Variants in ANK2 observed in about 807,000 individuals in gnomAD.
ANK2 encodes ankyrin 2, also known as ankyrin-2.
ANK2 carries 83 observed loss-of-function variants against 360.5 expected under a neutral mutation model. The ratio of observed to expected loss-of-function variants is 0.23; its 90% CI spans 0.19 to 0.28. The LOEUF (loss-of-function observed/expected upper bound fraction) is 0.28. Among genes scored for constraint, ANK2 ranks in the 10% least tolerant of loss-of-function variants. ANK2 has a pLI of 1.00. For missense variants in ANK2, 4,201 were observed against 4,795.7 expected, an observed-to-expected ratio of 0.88 and a Z score of 3.66; for synonymous variants, 1,740 against 1,759.5, an observed-to-expected ratio of 0.99 and a Z score of 0.28.
intron 2 of ANK2, among the ~76,000 whole-genome samples, chr4:112,990,709 T>C (rs1420749126): frequency 1.3e-5 from 2 of 152,208 alleles, no homozygotes; most frequent in Non-Finnish European, 2.9e-5. Flanking sequence ...CTTCTACCTT[T>C]ATCACAGGAC....
rs1460659093 is a variant in ANK2, at chr4:113,336,565, T to A, written c.3592-12T>A. On this transcript the variant is annotated splice_polypyrimidine_tract_variant and intron_variant, in intron 30 of 45. Transcript: ENST00000357077. ...ACACAAATATATATGTGTGTGTTTT[T>A]ACTTTGAAAAGGCTCAACCTATGCA... is the stretch of plus-strand genomic sequence containing the variant. 6.2e-7 allele frequency: 1 copy of A among 1,611,192 alleles called. No homozygotes were observed. Among genetic ancestry groups the A allele is most frequent in the Non-Finnish European group, 8.5e-7 (1 of 1,177,682 alleles).
At chr4:113,198,804 A>C (rs2098788101) in intron 3 of ANK2, among the ~76,000 whole-genome samples, 1 of 152,180 alleles carries the variant, frequency 6.6e-6, no homozygotes, top group African/African-American at 2.4e-5. Flanking sequence ...CAATATTGTG[A>C]AAATAGAAAA....
intron 1 of ANK2, among the ~76,000 whole-genome samples, chr4:113,128,735 C>T (rs2095822842): frequency 6.6e-6 from 1 of 152,124 alleles, no homozygotes; most frequent in Non-Finnish European, 1.5e-5. Context: ...GTGATTCGTC[C>T]ACCTCGGCTT....
intron 1 of ANK2, among the ~76,000 whole-genome samples, chr4:113,139,488 C>T (rs2096562562): frequency 6.6e-6 from 1 of 152,046 alleles, no homozygotes; most frequent in Non-Finnish European, 1.5e-5. Flanking sequence ...GTGGGGAAGC[C>T]CCTGCTTTAG....
At chr4:112,745,531 CTT>C in the ANK2 span, among the ~76,000 whole-genome samples, 2 of 123,098 alleles carry the variant, frequency 1.6e-5, no homozygotes, top group Non-Finnish European at 1.6e-5. Flanking sequence ...AGTACTAGAT[CTT>C]TTTTTTTTTT....
At chr4:112,777,175 A>C in the ANK2 span, among the ~76,000 whole-genome samples, 2 of 152,192 alleles carry the variant, frequency 1.3e-5, no homozygotes, top group East Asian at 3.8e-4. Flanking sequence ...CAATATACGT[A>C]TGTAAGGCTT....
intron 2 of ANK2, among the ~76,000 whole-genome samples, chr4:113,177,799 A>G (rs2098272744): frequency 6.6e-6 from 1 of 152,252 alleles, no homozygotes; most frequent in African/African-American, 2.4e-5. Context: ...CACAAAATTT[A>G]GAGCCCACAG....
At chr4:112,777,132 T>G in the ANK2 span, among the ~76,000 whole-genome samples, 2 of 152,142 alleles carry the variant, frequency 1.3e-5, no homozygotes. Flanking sequence ...CCATACACAG[T>G]TTTGTTTGGA....
At chr4:113,034,265 CTGTT>C (rs2061088308) in intron 2 of ANK2, among the ~76,000 whole-genome samples, 1 of 151,926 alleles carries the variant, frequency 6.6e-6, no homozygotes, top group South Asian at 2.1e-4. Flanking sequence ...GAGGAATCTG[CTGTT>C]TGTTTATATT....
chr4:112,801,082 A>T, the ANK2 span, among the ~76,000 whole-genome samples: 1 of 152,204 alleles, frequency 6.6e-6, no homozygotes, highest in South Asian at 2.1e-4. Flanking sequence ...CTCTATAGTG[A>T]CATTACTGCT....
At chr4:112,737,329 T>A in the ANK2 span, among the ~76,000 whole-genome samples, 1 of 152,254 alleles carries the variant, frequency 6.6e-6, no homozygotes, top group East Asian at 1.9e-4. Context: ...TCTCTGTAAA[T>A]CTGCTGCCTT....
chr4:113,085,474 T>C (rs1331020427), intron 1 of ANK2, among the ~76,000 whole-genome samples: 1 of 151,900 alleles, frequency 6.6e-6, no homozygotes, highest in African/African-American at 2.4e-5. Flanking sequence ...CCCAGCTAGT[T>C]TTTTTTGTAT....
intron 9 of ANK2, among the ~76,000 whole-genome samples, chr4:113,246,971 A>T (rs1051181331): frequency 3.9e-5 from 6 of 152,204 alleles, no homozygotes; most frequent in African/African-American, 1.4e-4. Flanking sequence ...TAATCAGCAG[A>T]GCCTACCCAT....
At chr4:113,015,069 A>G (rs1216117896) in intron 2 of ANK2, among the ~76,000 whole-genome samples, 1 of 151,662 alleles carries the variant, frequency 6.6e-6, no homozygotes, top group Admixed American at 6.6e-5. Context: ...TGTGTTAGCC[A>G]GGATGGCCTC....
chr4:113,363,574 T>A (rs980397005), intron 40 of ANK2, 105 bp downstream of exon 40: 8 of 1,261,852 alleles, frequency 6.3e-6, no homozygotes, highest in Non-Finnish European at 9.2e-6. Flanking sequence ...ATGCCATTAA[T>A]CTGCAGTACA....
At chr4:113,086,141 A>G (rs902042936) in intron 1 of ANK2, among the ~76,000 whole-genome samples, 2 of 152,186 alleles carry the variant, frequency 1.3e-5, no homozygotes, top group African/African-American at 4.8e-5. Context: ...TAATATAAAT[A>G]TTAAAATTGC....
intron 5 of ANK2, 73 bp from the exon 6 acceptor site, chr4:113,236,914 G>A: frequency 7.1e-7 from 1 of 1,417,570 alleles, no homozygotes; most frequent in Non-Finnish European, 1.0e-6. Flanking sequence ...AAGATTAGAG[G>A]CATCATTGCT....
intron 32 of ANK2, among the ~76,000 whole-genome samples, chr4:113,340,856 A>G (rs1004130287): frequency 2.0e-5 from 3 of 151,878 alleles, no homozygotes; most frequent in African/African-American, 4.8e-5. Context: ...CTCAAAAAAA[A>G]AAAAAAGAAA....
intron 4 of ANK2, among the ~76,000 whole-genome samples, chr4:113,211,271 C>G (rs1006777822): frequency 1.3e-5 from 2 of 152,184 alleles, no homozygotes; most frequent in African/African-American, 4.8e-5. Flanking sequence ...CATTCTTGTT[C>G]ATAACTCACT....
Sources: allele counts gnomAD v4.1 joint callset (sites outside exome capture counted in the v4.1 genomes callset), GRCh38; gene constraint gnomAD v4.1.1; transcripts MANE v1.5; gene names NCBI Gene and HGNC (gene_info 2026-07-23, HGNC 2026-07-21).